CHD9: variants seen among roughly 807,000 people sequenced by gnomAD.
CHD9 encodes ATP-dependent chromatin remodeler CHD9.
In CHD9, 77 loss-of-function variants were observed where a neutral mutation model predicts 316.1. The ratio of observed to expected loss-of-function variants is 0.24; its 90% CI spans 0.20 to 0.29. The LOEUF is 0.29. Among genes scored for constraint, CHD9 ranks in the 10% least tolerant of loss-of-function variants. CHD9 has a pLI of 1.00. For missense variants in CHD9, 2,763 were observed against 3,438.1 expected (o/e 0.80, Z 4.91); for synonymous variants, 1,129 against 1,158.3 (o/e 0.97, Z 0.51).
chr16:53,318,671 G>A (rs546504928), intron 37 of CHD9, among the ~76,000 whole-genome samples: 14 of 152,094 alleles, frequency 9.2e-5, no homozygotes, highest in East Asian at 1.9e-4. Context: ...ATTTGTCAGC[G>A]TCTGGAGACA....
intron 1 of CHD9, among the ~76,000 whole-genome samples, chr16:53,127,835 T>C (rs570472072): frequency 4.7e-4 from 71 of 149,578 alleles, no homozygotes; most frequent in African/African-American, 1.6e-3. Context: ...GCAGGAGAAG[T>C]GCTTGAACCT....
At chr16:53,126,457 C>T (rs1412925249) in intron 1 of CHD9, among the ~76,000 whole-genome samples, 4 of 152,012 alleles carry the variant, frequency 2.6e-5, no homozygotes, top group African/African-American at 9.7e-5. Context: ...ATTATTATAC[C>T]TTTGTATTAA....
intron 1 of CHD9, among the ~76,000 whole-genome samples, chr16:53,103,695 C>T (rs2037082961): frequency 1.3e-5 from 2 of 152,136 alleles, no homozygotes; most frequent in South Asian, 4.1e-4. Flanking sequence ...TTTGCTTTTT[C>T]CTCTGATTGA....
At chr16:53,221,377 A>G (rs940149161) in intron 3 of CHD9, among the ~76,000 whole-genome samples, 1 of 152,182 alleles carries the variant, frequency 6.6e-6, no homozygotes, top group African/African-American at 2.4e-5. Flanking sequence ...TTAACCTCCA[A>G]ATTCTCCTAC....
chr16:53,181,941 A>C (rs1343545943), intron 2 of CHD9, among the ~76,000 whole-genome samples: 1 of 152,102 alleles, frequency 6.6e-6, no homozygotes, highest in African/African-American at 2.4e-5. Context: ...TTAGCCAGGC[A>C]TGGTGGTGCA....
At chr16:53,167,965 A>G (rs2042388294) in intron 2 of CHD9, among the ~76,000 whole-genome samples, 1 of 152,128 alleles carries the variant, frequency 6.6e-6, no homozygotes, top group African/African-American at 2.4e-5. Flanking sequence ...ACATTAAGTG[A>G]AAGTAAGATT....
chr16:53,293,192 CA>C, intron 29 of CHD9, 140 bp downstream of exon 29: 1 of 649,580 alleles, frequency 1.5e-6, no homozygotes, highest in Non-Finnish European at 2.7e-6. Flanking sequence ...TGCACATACA[CA>C]CATATACTCA....
At chr16:53,099,661 G>C (rs983473244) in intron 1 of CHD9, among the ~76,000 whole-genome samples, 1 of 152,172 alleles carries the variant, frequency 6.6e-6, no homozygotes, top group Admixed American at 6.5e-5. Flanking sequence ...TCCTCCGGGC[G>C]GGAGATTCGG....
chr16:53,320,539 C>T (rs1486923696), intron 37 of CHD9, among the ~76,000 whole-genome samples: 1 of 151,904 alleles, frequency 6.6e-6, no homozygotes, highest in Non-Finnish European at 1.5e-5. Flanking sequence ...TAAATAAATA[C>T]TTATAGGTAA....
chr16:53,204,549 T>C (rs1487130017), intron 2 of CHD9, among the ~76,000 whole-genome samples: 1 of 152,170 alleles, frequency 6.6e-6, no homozygotes, highest in African/African-American at 2.4e-5. Flanking sequence ...CTATTTGTTT[T>C]TTTGTTTTTG....
At chr16:53,100,067 A>T (rs1596984724) in intron 1 of CHD9, among the ~76,000 whole-genome samples, 1 of 152,160 alleles carries the variant, frequency 6.6e-6, no homozygotes, top group African/African-American at 2.4e-5. Context: ...GCTGCAGGGG[A>T]TGAAGCGGTG....
intron 1 of CHD9, among the ~76,000 whole-genome samples, chr16:53,113,393 G>T (rs2038021122): frequency 1.4e-5 from 2 of 139,376 alleles, no homozygotes; most frequent in African/African-American, 2.7e-5. Context: ...TTGAGATGGA[G>T]TCTCGCTCTC....
Position 53,306,381 on chromosome 16 carries a change from CCT to C in CHD9, c.6766_6767del (p.Ser2256ValfsTer11). The C allele has an allele frequency of 6.3e-7, 1 of 1,585,388 alleles. No individual in the cohort carries two copies. Among genetic ancestry groups the C allele is most frequent in the Non-Finnish European group, 8.5e-7 (1 of 1,170,234 alleles). Reference sequence around the variant, plus strand: ...TTACAAGGTGGATATATGCTGGCAGCCTCGTATTGGCCAAAGGTAAAGAAATA... The same window carrying C: ...TTACAAGGTGGATATATGCTGGCAGCCGTATTGGCCAAAGGTAAAGAAATA... On this transcript the variant is annotated frameshift_variant, in exon 32 of 39. Transcript: ENST00000447540. LOFTEE classifies it high-confidence loss of function.
chr16:53,271,556 G>A (rs1409027254), intron 22 of CHD9, among the ~76,000 whole-genome samples: 6 of 149,028 alleles, frequency 4.0e-5, no homozygotes, highest in East Asian at 2.0e-4. Context: ...CTGACAGAGC[G>A]AGACTCTGTC....
chr16:53,155,919 T>C lies in CHD9; in HGVS notation c.-164-7T>C, dbSNP rs553817505. On this transcript the variant is annotated splice_region_variant and splice_polypyrimidine_tract_variant and intron_variant, in intron 1 of 38. Transcript: ENST00000447540. ...TCTCTTTATTGTTTTTGTTCCTTTTTTTCTAGGATTTTGACACTTCATGAC... is the reference window on the plus strand; with the variant it reads ...TCTCTTTATTGTTTTTGTTCCTTTTCTTCTAGGATTTTGACACTTCATGAC... The C allele has an allele frequency of 1.0e-4, 61 of 610,290 alleles. No individual in the cohort carries two copies. In the African/African-American group the frequency reaches 1.0e-3, roughly 10 times the overall value. 37.8% of individuals were successfully genotyped at this position (610,290 alleles called of 1,614,324 possible). A position where few individuals can be genotyped will look rare whatever the true frequency, so the allele number is the denominator to read the frequency against.
chr16:53,104,298 A>G (rs1205973424), intron 1 of CHD9, among the ~76,000 whole-genome samples: 2 of 152,188 alleles, frequency 1.3e-5, no homozygotes, highest in Admixed American at 6.5e-5. Context: ...AACCCATTTC[A>G]TGATGGCAGC....
chr16:53,290,988 G>T (rs2054285460), intron 27 of CHD9, among the ~76,000 whole-genome samples: 1 of 152,152 alleles, frequency 6.6e-6, no homozygotes, highest in South Asian at 2.1e-4. Flanking sequence ...GAATTTTTCA[G>T]ATGTTATGAA....
chr16:53,130,758 G>A (rs1262820091), intron 1 of CHD9, among the ~76,000 whole-genome samples: 2 of 151,890 alleles, frequency 1.3e-5, no homozygotes, highest in Non-Finnish European at 2.9e-5. Context: ...AGGAGGGAAG[G>A]GGAGCGGCGA....
At chr16:53,083,424 T>C (rs997506542) in intron 1 of CHD9, among the ~76,000 whole-genome samples, 5 of 152,226 alleles carry the variant, frequency 3.3e-5, no homozygotes, top group African/African-American at 9.6e-5. Flanking sequence ...AAAAAGATAA[T>C]GCCAGAGAAA....
Sources: allele counts gnomAD v4.1 joint callset (sites outside exome capture counted in the v4.1 genomes callset), GRCh38; gene constraint gnomAD v4.1.1; transcripts MANE v1.5; gene names NCBI Gene and HGNC (gene_info 2026-07-23, HGNC 2026-07-21).